TENM3: variants seen among roughly 807,000 people sequenced by gnomAD.
The protein encoded by TENM3 is teneurin-3.
Under a neutral mutation model 255.1 loss-of-function variants are expected in TENM3, and 63 were observed. The ratio of observed to expected loss-of-function variants is 0.25; its 90% CI spans 0.20 to 0.30. The LOEUF (loss-of-function observed/expected upper bound fraction) is 0.30, where lower values mean the gene tolerates loss of function less well. Among genes scored for constraint, TENM3 ranks in the 10% least tolerant of loss-of-function variants. The probability of loss-of-function intolerance (pLI) is 1.00; values close to 1 mark genes in which losing one functional copy is unlikely to be tolerated. For missense variants in TENM3, 2,929 were observed against 3,461.1 expected, an observed-to-expected ratio of 0.85 and a Z score of 3.86; for synonymous variants, 1,306 against 1,322.3, an observed-to-expected ratio of 0.99 and a Z score of 0.27.
chr4:181,768,608 G>C, the TENM3 span, among the ~76,000 whole-genome samples: 1 of 152,208 alleles, frequency 6.6e-6, no homozygotes, highest in South Asian at 2.1e-4. Flanking sequence ...CATTAGCACG[G>C]TATTATGTTG....
At chr4:181,787,916 GC>G in the TENM3 span, among the ~76,000 whole-genome samples, 8 of 152,090 alleles carry the variant, frequency 5.3e-5, no homozygotes, top group Non-Finnish European at 1.0e-4. Context: ...CGGAACTTGA[GC>G]CCCGGAGGTC....
At chr4:181,680,322 T>C in the TENM3 span, among the ~76,000 whole-genome samples, 1 of 152,084 alleles carries the variant, frequency 6.6e-6, no homozygotes, top group Non-Finnish European at 1.5e-5. Flanking sequence ...TTTATAAAAA[T>C]TGTCCCAAAG....
chr4:182,010,629 C>A, the TENM3 span, among the ~76,000 whole-genome samples: 4 of 151,946 alleles, frequency 2.6e-5, no homozygotes, highest in Admixed American at 2.6e-4. Context: ...ATGTTCTCTC[C>A]CTTATTTTCT....
At chr4:182,637,808 A>G (rs1424748005) in intron 5 of TENM3, among the ~76,000 whole-genome samples, 1 of 152,188 alleles carries the variant, frequency 6.6e-6, no homozygotes. Flanking sequence ...GTAGGAAACT[A>G]AGAGAGTGCA....
chr4:182,436,668 T>C (rs1772071968), intron 3 of TENM3, among the ~76,000 whole-genome samples: 2 of 152,174 alleles, frequency 1.3e-5, no homozygotes, highest in African/African-American at 4.8e-5. Context: ...AATAAACATA[T>C]GATAATATAG....
At chr4:182,762,905 A>G (rs1763326455) in intron 22 of TENM3, among the ~76,000 whole-genome samples, 1 of 147,102 alleles carries the variant, frequency 6.8e-6, no homozygotes, top group Non-Finnish European at 1.5e-5. Flanking sequence ...CACTTCTCGT[A>G]AACACACGTA....
chr4:181,630,780 AGT>A, the TENM3 span, among the ~76,000 whole-genome samples: 6 of 152,116 alleles, frequency 3.9e-5, no homozygotes, highest in Non-Finnish European at 8.8e-5. Flanking sequence ...TTTTAGAATA[AGT>A]GTGATGTGGT....
chr4:181,546,758 C>T, the TENM3 span, among the ~76,000 whole-genome samples: 1 of 151,010 alleles, frequency 6.6e-6, no homozygotes, highest in Admixed American at 6.6e-5. Flanking sequence ...GCACCTGAGT[C>T]ATGTGTAGAT....
intron 3 of TENM3, among the ~76,000 whole-genome samples, chr4:182,473,676 AAAAAT>A (rs915109941): frequency 2.7e-5 from 4 of 150,876 alleles, no homozygotes; most frequent in African/African-American, 9.9e-5. Flanking sequence ...TCATCTAAAA[AAAAAT>A]AAAATAAAAT....
At chr4:182,483,701 T>C (rs1256481007) in intron 3 of TENM3, among the ~76,000 whole-genome samples, 1 of 152,150 alleles carries the variant, frequency 6.6e-6, no homozygotes, top group Admixed American at 6.5e-5. Context: ...GTAGTTTTTC[T>C]TTATAAAGAA....
At chr4:182,594,285 G>T (rs531273640) in intron 3 of TENM3, among the ~76,000 whole-genome samples, 1 of 151,996 alleles carries the variant, frequency 6.6e-6, no homozygotes, top group African/African-American at 2.4e-5. Flanking sequence ...GATTACAGGC[G>T]TGAACCACTG....
intron 2 of TENM3, among the ~76,000 whole-genome samples, chr4:182,324,822 C>A (rs1763288609): frequency 6.6e-6 from 1 of 152,212 alleles, no homozygotes; most frequent in African/African-American, 2.4e-5. Flanking sequence ...TATACCTTAA[C>A]ACTTCCTAGT....
At chr4:182,589,983 A>G (rs1269224533) in intron 3 of TENM3, among the ~76,000 whole-genome samples, 1 of 152,122 alleles carries the variant, frequency 6.6e-6, no homozygotes, top group Non-Finnish European at 1.5e-5. Context: ...GTCTCAAACA[A>G]AAACAAAAAC....
chr4:182,503,323 C>T (rs76356897), intron 3 of TENM3, among the ~76,000 whole-genome samples: 174 of 152,278 alleles, frequency 1.1e-3, no homozygotes, highest in Non-Finnish European at 2.0e-3. Flanking sequence ...CAGTCTTTAG[C>T]GTCTCCAGGG....
At chr4:182,039,093 C>G in the TENM3 span, among the ~76,000 whole-genome samples, 1 of 152,270 alleles carries the variant, frequency 6.6e-6, no homozygotes. Flanking sequence ...CCCTAGAACA[C>G]TGCCTCAAAA....
chr4:182,511,735 T>C (rs1292082216), intron 3 of TENM3, among the ~76,000 whole-genome samples: 3 of 152,216 alleles, frequency 2.0e-5, no homozygotes, highest in African/African-American at 7.2e-5. Flanking sequence ...TCAATTTGTT[T>C]AGGTTTTTTA....
At chr4:182,322,471 C>T (rs776998978) in intron 1 of TENM3, among the ~76,000 whole-genome samples, 33 of 152,206 alleles carry the variant, frequency 2.2e-4, no homozygotes, top group South Asian at 2.1e-4. Context: ...ATTATTCCAG[C>T]GCAGGGAGTC....
chr4:182,292,146 T>A (rs920126462), intron 1 of TENM3, among the ~76,000 whole-genome samples: 1 of 152,208 alleles, frequency 6.6e-6, no homozygotes, highest in Non-Finnish European at 1.5e-5. Context: ...GCTATATTTC[T>A]TTTAATGAGA....
intron 1 of TENM3, among the ~76,000 whole-genome samples, chr4:182,250,502 G>T (rs1208287468): frequency 6.8e-6 from 1 of 147,038 alleles, no homozygotes; most frequent in South Asian, 2.1e-4. Flanking sequence ...AAAGGATAGA[G>T]TGAGATTTTG....
Sources: gnomAD v4.1 joint callset for allele counts (sites outside exome capture counted in the v4.1 genomes callset) on GRCh38, gnomAD v4.1.1 for gene constraint, MANE v1.5 for transcripts, NCBI Gene and HGNC (gene_info 2026-07-23, HGNC 2026-07-21) for gene names.